C9orf72: variants seen among roughly 807,000 people sequenced by gnomAD.
C9orf72 encodes guanine nucleotide exchange factor C9orf72.
A neutral mutation model predicts 51.6 loss-of-function variants in C9orf72; 44 were observed. The ratio of observed to expected loss-of-function variants is 0.85; its 90% confidence interval spans 0.67 to 1.10. The LOEUF is 1.10. Among genes scored for constraint, C9orf72 ranks in the 50% least tolerant of loss-of-function variants. The probability of loss-of-function intolerance (pLI) is 0.00; values close to 1 mark genes in which losing one functional copy is unlikely to be tolerated. For missense variants in C9orf72, 607 were observed against 570.6 expected (o/e 1.06, Z -0.65); for synonymous variants, 213 against 194.2 (o/e 1.10, Z -0.81).
chr9:27,548,532 T>C (rs748290291), intron 10 of C9orf72, 25 bp downstream of exon 10: 1 of 1,518,170 alleles, frequency 6.6e-7, no homozygotes, highest in Non-Finnish European at 9.1e-7. Context: ...CAAAGGTTTT[T>C]CTTCCGTGTA....
chr9:27,553,493 A>G (rs187742726), intron 8 of C9orf72, among the ~76,000 whole-genome samples: 85 of 152,354 alleles, frequency 5.6e-4, no homozygotes, highest in Non-Finnish European at 1.0e-3. Flanking sequence ...TGGTGCTGGG[A>G]TAATTGCTAG....
chr9:27,565,508 G>C (rs751680583), intron 3 of C9orf72, 23 bp downstream of exon 3: 1 of 1,495,952 alleles, frequency 6.7e-7, no homozygotes, highest in Non-Finnish European at 9.3e-7. Flanking sequence ...AAAAACATTT[G>C]ACAGTATGCA....
intron 1 of C9orf72, among the ~76,000 whole-genome samples, chr9:27,567,850 AG>A (rs1819503134): frequency 1.3e-5 from 2 of 152,304 alleles, no homozygotes; most frequent in Non-Finnish European, 1.5e-5. Flanking sequence ...AAGGCAAGAA[AG>A]GAACACTCAG....
Position 27,562,482 on chromosome 9 carries a change from C to T in C9orf72, c.505-6G>A. On this transcript the variant is annotated splice_polypyrimidine_tract_variant and splice_region_variant and intron_variant, in intron 3 of 10. Coordinates refer to ENST00000380003, the MANE Select transcript of C9orf72 (RefSeq NM_018325.5). ...ATTGGAATAATACTCTGACCCTGCA[C>T]AATAAAGTGACATGAAGTGAAGAAA... The T allele has an allele frequency of 1.4e-6, 2 of 1,480,674 alleles. No individual in the cohort carries two copies. Among genetic ancestry groups the T allele is most frequent in the East Asian group, 2.4e-5 (1 of 40,864 alleles). The allele number at this position is 1,480,674 out of a possible 1,614,324, so 91.7% of individuals were successfully genotyped here.
intron 3 of C9orf72, 107 bp downstream of exon 3, chr9:27,565,424 T>C (rs1013066575): frequency 4.7e-6 from 3 of 641,266 alleles, no homozygotes; most frequent in Non-Finnish European, 8.1e-6. Context: ...AAAAGCTCCA[T>C]TAAAGGCTTA....
intron 1 of C9orf72, among the ~76,000 whole-genome samples, chr9:27,570,718 T>A (rs1819567893): frequency 6.6e-6 from 1 of 151,908 alleles, no homozygotes; most frequent in African/African-American, 2.4e-5. Context: ...ATACAAAAAA[T>A]TAGCCGGGTG....
At chr9:27,548,523 A>G (rs368145554) in intron 10 of C9orf72, 34 bp downstream of exon 10, 132 of 1,496,862 alleles carry the variant, frequency 8.8e-5, no homozygotes, top group Non-Finnish European at 1.1e-4. Context: ...AACAATGTAC[A>G]AAGGTTTTTC....
intron 8 of C9orf72, 51 bp from the exon 9 acceptor site, chr9:27,550,758 G>A: frequency 9.6e-7 from 1 of 1,044,410 alleles, no homozygotes; most frequent in South Asian, 1.5e-5. Flanking sequence ...ATGTTGAAAT[G>A]GCCATATAAT....
In C9orf72 at chr9:27,573,451, C is replaced by T. The variant is rs1335250575; in HGVS notation, c.-65G>A. On this transcript the variant is annotated 5_prime_UTR_variant, in exon 1 of 11. Coordinates refer to ENST00000380003, the MANE Select transcript of C9orf72 (RefSeq NM_018325.5). ...CTCACCCACTCGCCACCGCCTGCGCCTCCGCCGCCGCGGGCGCAGGCACCG... is the reference window on the plus strand; with the variant it reads ...CTCACCCACTCGCCACCGCCTGCGCTTCCGCCGCCGCGGGCGCAGGCACCG... 6.6e-6 allele frequency: 1 copy of T among 150,480 alleles called. No individual in the cohort carries two copies. Among genetic ancestry groups the T allele is most frequent in the African/African-American group, 2.4e-5 (1 of 40,994 alleles). 9.3% of individuals were successfully genotyped at this position (150,480 alleles called of 1,614,324 possible).
intron 8 of C9orf72, among the ~76,000 whole-genome samples, chr9:27,552,008 A>G (rs1002070059): frequency 2.0e-5 from 3 of 152,134 alleles, no homozygotes; most frequent in Admixed American, 1.3e-4. Flanking sequence ...AGAATGCCAA[A>G]ACTTTGCTGA....
intron 2 of C9orf72, among the ~76,000 whole-genome samples, chr9:27,565,974 TAG>T (rs1819458700): frequency 6.6e-6 from 1 of 152,178 alleles, no homozygotes; most frequent in Admixed American, 6.5e-5. Flanking sequence ...CCTGCAAACA[TAG>T]TAAAAAATTA....
intron 2 of C9orf72, among the ~76,000 whole-genome samples, chr9:27,565,983 AT>A (rs1460161423): frequency 6.6e-6 from 1 of 152,196 alleles, no homozygotes; most frequent in Admixed American, 6.5e-5. Context: ...ATAGTAAAAA[AT>A]TATTCTTTTA....
At chr9:27,570,753 G>A (rs1425051285) in intron 1 of C9orf72, among the ~76,000 whole-genome samples, 3 of 152,128 alleles carry the variant, frequency 2.0e-5, no homozygotes, top group African/African-American at 7.2e-5. Flanking sequence ...TGTAATCCCA[G>A]CTACTCGGGA....
chr9:27,562,312 T>C (rs190265908), intron 4 of C9orf72, 69 bp downstream of exon 4: 1 of 553,760 alleles, frequency 1.8e-6, no homozygotes, highest in Non-Finnish European at 2.9e-6. Flanking sequence ...AGAATATTAA[T>C]AATATACATA....
At chr9:27,569,014 G>A (rs1213134307) in intron 1 of C9orf72, among the ~76,000 whole-genome samples, 4 of 151,538 alleles carry the variant, frequency 2.6e-5, no homozygotes, top group Middle Eastern at 3.2e-3. Context: ...TGATACTGAT[G>A]ATCCTAATCC....
In C9orf72 at chr9:27,547,336, G is replaced by C. The variant is rs1246598208; in HGVS notation, c.*900C>G. 6 of 152,704 alleles carry C rather than the reference G, an allele frequency of 3.9e-5. No homozygotes were observed. The highest frequency in any genetic ancestry group is 4.4e-5 in the Non-Finnish European group (3 of 68,010). 9.5% of individuals were successfully genotyped at this position (152,704 alleles called of 1,614,324 possible). ...CAGAGTTGCAATGATTGCCAAAGCA[G>C]GTACATGGTAAGACTTAGCAAGAAG... On this transcript the variant is annotated 3_prime_UTR_variant, in exon 11 of 11. Transcript: ENST00000380003.
At chr9:27,561,547 C>G in intron 5 of C9orf72, 38 bp downstream of exon 5, 1 of 1,607,758 alleles carries the variant, frequency 6.2e-7, no homozygotes, top group South Asian at 1.1e-5. Context: ...AAGATGGTAT[C>G]TGCTTCATCC....
At chr9:27,571,533 G>A (rs1819586472) in intron 1 of C9orf72, among the ~76,000 whole-genome samples, 1 of 152,026 alleles carries the variant, frequency 6.6e-6, no homozygotes, top group Non-Finnish European at 1.5e-5. Flanking sequence ...ATAGCTCTCG[G>A]TAACTTCAAA....
chr9:27,561,433 A>G, intron 5 of C9orf72, 152 bp downstream of exon 5: 1 of 1,410,266 alleles, frequency 7.1e-7, no homozygotes, highest in African/African-American at 1.6e-5. Flanking sequence ...TGAGTGAAAA[A>G]TAACACAAAT....
Sources: gnomAD v4.1 joint callset for allele counts (sites outside exome capture counted in the v4.1 genomes callset) on GRCh38, gnomAD v4.1.1 for gene constraint, MANE v1.5 for transcripts, NCBI Gene and HGNC (gene_info 2026-07-23, HGNC 2026-07-21) for gene names.